GRAMD2B: variants seen among roughly 807,000 people sequenced by gnomAD.
The protein encoded by GRAMD2B is GRAM domain-containing protein 2B.
Under a neutral mutation model 59.2 loss-of-function variants are expected in GRAMD2B, and 41 were observed. The observed-to-expected ratio is 0.69, with a 90% confidence interval of 0.54 to 0.90. The LOEUF is 0.90. Ranked by LOEUF, GRAMD2B falls within the 40% of genes least tolerant of loss-of-function variation. The probability of loss-of-function intolerance (pLI) is 0.00; values close to 1 mark genes in which losing one functional copy is unlikely to be tolerated. For synonymous variants in GRAMD2B, 161 were observed against 182.7 expected (o/e 0.88, Z 0.96); for missense variants, 424 against 500.5 (o/e 0.85, Z 1.46).
chr5:126,466,196 A>T (rs144091707), intron 2 of GRAMD2B: 2 of 1,520,214 alleles, frequency 1.3e-6, no homozygotes, highest in African/African-American at 2.8e-5. Flanking sequence ...GTGGTCCTTC[A>T]CCATTATTAG....
At chr5:126,461,846 G>T (rs1029563434) in intron 1 of GRAMD2B, among the ~76,000 whole-genome samples, 1 of 152,176 alleles carries the variant, frequency 6.6e-6, no homozygotes, top group South Asian at 2.1e-4. Context: ...CCTAATAGGT[G>T]AAGTCAGGTT....
At chr5:126,371,749 C>G (rs1309132620) in intron 1 of GRAMD2B, among the ~76,000 whole-genome samples, 4 of 152,150 alleles carry the variant, frequency 2.6e-5, no homozygotes, top group Non-Finnish European at 5.9e-5. Context: ...AAGGGATGGG[C>G]TCTTCTGAGC....
chr5:126,388,285 ATCT>A (rs1756364408), intron 1 of GRAMD2B, among the ~76,000 whole-genome samples: 1 of 152,112 alleles, frequency 6.6e-6, no homozygotes, highest in Admixed American at 6.6e-5. Flanking sequence ...AGGCAGGAGT[ATCT>A]CTTGAACCCA....
intron 1 of GRAMD2B, among the ~76,000 whole-genome samples, chr5:126,374,527 C>G (rs1324265673): frequency 1.3e-5 from 2 of 152,156 alleles, no homozygotes; most frequent in African/African-American, 2.4e-5. Context: ...ACACTCTCTA[C>G]TATGTCTGAG....
intron 1 of GRAMD2B, among the ~76,000 whole-genome samples, chr5:126,450,187 G>C (rs1162393654): frequency 6.6e-6 from 1 of 152,098 alleles, no homozygotes; most frequent in Non-Finnish European, 1.5e-5. Flanking sequence ...CAGGGGCTTA[G>C]CTGAGGGCCA....
chr5:126,412,855 G>C (rs1758936192), intron 1 of GRAMD2B, among the ~76,000 whole-genome samples: 1 of 151,984 alleles, frequency 6.6e-6, no homozygotes, highest in Non-Finnish European at 1.5e-5. Flanking sequence ...TGTGTTTCCA[G>C]GAATTCAGCC....
intron 1 of GRAMD2B, among the ~76,000 whole-genome samples, chr5:126,363,710 G>A (rs7711232): frequency 1.8e-3 from 268 of 152,256 alleles, no homozygotes; most frequent in African/African-American, 6.0e-3. Context: ...TATATGAAAT[G>A]TCCAGAATAG....
In GRAMD2B at chr5:126,480,483, G is replaced by T; in HGVS notation, c.610G>T (p.Asp204Tyr). 6.2e-7 allele frequency: 1 copy of T among 1,613,084 alleles called. No individual in the cohort carries two copies. The highest frequency in any genetic ancestry group is 1.1e-5 in the South Asian group (1 of 91,058). The change falls in exon 7 of 14, where the codon GAT (aspartate) becomes TAT (tyrosine). Residue 204 changes from aspartate (D) to tyrosine (Y), a missense_variant. Physicochemically the swap from Asp to Tyr is radical, Grantham distance 160. Coordinates refer to ENST00000285689, the MANE Select transcript of GRAMD2B (RefSeq NM_023927.4). ...RYIFVSLLSRDSTYKLLKSVC... is the reference protein window; with the variant it reads ...RYIFVSLLSRYSTYKLLKSVC... Reference sequence around the variant, plus strand: ...CATATTTGTCTCCTTACTCTCCAGAGATTCAACTTACAAACTACTAAAATC... The same window carrying T: ...CATATTTGTCTCCTTACTCTCCAGATATTCAACTTACAAACTACTAAAATC...
At chr5:126,403,122 G>A (rs970222963) in intron 1 of GRAMD2B, among the ~76,000 whole-genome samples, 1 of 151,878 alleles carries the variant, frequency 6.6e-6, no homozygotes, top group Non-Finnish European at 1.5e-5. Context: ...ACATCTCTCT[G>A]AATACCATTT....
chr5:126,455,322 A>G (rs1312287765), intron 1 of GRAMD2B, among the ~76,000 whole-genome samples: 12 of 152,190 alleles, frequency 7.9e-5, no homozygotes, highest in East Asian at 3.8e-4. Flanking sequence ...AAAATCTTCA[A>G]TTAATACCTA....
intron 1 of GRAMD2B, among the ~76,000 whole-genome samples, chr5:126,424,286 T>C (rs1285914780): frequency 5.3e-5 from 8 of 152,206 alleles, no homozygotes; most frequent in Admixed American, 5.2e-4. Flanking sequence ...TATTTTGCAG[T>C]CTTTGGTAAA....
intron 1 of GRAMD2B, among the ~76,000 whole-genome samples, chr5:126,457,020 G>A (rs979111157): frequency 1.3e-4 from 20 of 151,368 alleles, no homozygotes; most frequent in African/African-American, 3.4e-4. Flanking sequence ...GTGAAACCCC[G>A]TCTCTACTAA....
intron 1 of GRAMD2B, among the ~76,000 whole-genome samples, chr5:126,401,205 C>T (rs184106220): frequency 2.0e-4 from 31 of 152,136 alleles, no homozygotes; most frequent in Non-Finnish European, 1.5e-5. Context: ...GATTCTTTCT[C>T]ATGCTTGATC....
intron 1 of GRAMD2B, among the ~76,000 whole-genome samples, chr5:126,409,135 T>C (rs1241202958): frequency 2.6e-5 from 4 of 152,046 alleles, no homozygotes; most frequent in Non-Finnish European, 5.9e-5. Flanking sequence ...TTGTGAATAG[T>C]GCCGCAATAA....
At chr5:126,479,517 C>CT (rs991414918) in intron 6 of GRAMD2B, among the ~76,000 whole-genome samples, 9 of 152,162 alleles carry the variant, frequency 5.9e-5, no homozygotes, top group African/African-American at 1.9e-4. Context: ...TGCACTAATG[C>CT]TTTTTTTATA....
intron 2 of GRAMD2B, among the ~76,000 whole-genome samples, chr5:126,466,751 A>G (rs923492956): frequency 6.6e-6 from 1 of 152,144 alleles, no homozygotes; most frequent in Non-Finnish European, 1.5e-5. Context: ...AGCCTCACCT[A>G]ATGCTTCTCT....
chr5:126,442,660 C>T (rs1763502774), intron 1 of GRAMD2B, among the ~76,000 whole-genome samples: 1 of 152,098 alleles, frequency 6.6e-6, no homozygotes, highest in Non-Finnish European at 1.5e-5. Flanking sequence ...CTGTGAGCCC[C>T]CTGCTTAAAA....
chr5:126,479,150 A>G (rs1279408304), intron 6 of GRAMD2B, among the ~76,000 whole-genome samples: 2 of 152,180 alleles, frequency 1.3e-5, no homozygotes, highest in Non-Finnish European at 2.9e-5. Context: ...AATTATTTCT[A>G]TGAAAGCATA....
At chr5:126,365,400 A>G (rs1379642854) in intron 1 of GRAMD2B, among the ~76,000 whole-genome samples, 1 of 152,262 alleles carries the variant, frequency 6.6e-6, no homozygotes, top group Non-Finnish European at 1.5e-5. Flanking sequence ...ATAAAATCAA[A>G]CAAAGGCAGA....
Sources: allele counts gnomAD v4.1 joint callset (sites outside exome capture counted in the v4.1 genomes callset), GRCh38; gene constraint gnomAD v4.1.1; transcripts MANE v1.5; gene names NCBI Gene and HGNC (gene_info 2026-07-23, HGNC 2026-07-21).